The following NONO variants were observed in gnomAD, a reference collection of about 807,000 sequenced individuals.
NONO encodes non-POU domain-containing octamer-binding protein.
A neutral mutation model predicts 40.2 loss-of-function variants in NONO; 6 were observed. The ratio of observed to expected loss-of-function variants is 0.15; its 90% CI spans 0.08 to 0.29. The LOEUF (loss-of-function observed/expected upper bound fraction) is 0.29. Among genes scored for constraint, NONO ranks in the 10% least tolerant of loss-of-function variants. The probability of loss-of-function intolerance (pLI) is 1.00; values close to 1 mark genes in which losing one functional copy is unlikely to be tolerated. For synonymous variants in NONO, 89 were observed against 123.3 expected, an observed-to-expected ratio of 0.72 and a Z score of 1.85; for missense variants, 133 against 397.8, an observed-to-expected ratio of 0.33 and a Z score of 5.66.
At chrX:71,295,555 G>C (rs1602388494) in intron 5 of NONO, among the ~76,000 whole-genome samples, 1 of 110,875 alleles carries the variant, frequency 9.0e-6, no homozygotes, top group East Asian at 2.8e-4. Flanking sequence ...CACTTCAGGA[G>C]GCTGAGGCGG....
In NONO at chrX:71,297,364, GT is replaced by G. The variant is rs766336268; in HGVS notation, c.944-11del. The G allele has an allele frequency of 2.6e-5, 30 of 1,158,319 alleles. No homozygotes were observed. Among genetic ancestry groups the G allele is most frequent in the Non-Finnish European group, 3.5e-5 (30 of 864,211 alleles). ...AGACAATGAGGAATATTCTTAGTCT[GT>G]TGTTTTTTTAGATTTGATGAGGCGC... is the stretch of plus-strand genomic sequence containing the variant. On this transcript the variant is annotated splice_polypyrimidine_tract_variant and intron_variant, in intron 7 of 11. Transcript: ENST00000276079.
chrX:71,294,141 A>C, intron 4 of NONO, 86 bp from the exon 5 acceptor site: 1 of 933,716 alleles, frequency 1.1e-6, no homozygotes, highest in Non-Finnish European at 1.5e-6. Context: ...CCGGGGAGAT[A>C]TTGAACTATA....
At chrX:71,284,999 G>A (rs1421866001) in intron 2 of NONO, 1 of 112,406 alleles carries the variant, frequency 8.9e-6, no homozygotes, top group Non-Finnish European at 1.9e-5. Context: ...CAGTATTTAG[G>A]CGACAGTGAA....
chrX:71,292,308 CT>C (rs1189169590), intron 4 of NONO: 1 of 116,677 alleles, frequency 8.6e-6, no homozygotes, highest in Non-Finnish European at 1.7e-5. Flanking sequence ...AGTGATTCTC[CT>C]GCCTCAGCCT....
chrX:71,288,410 TTTC>T (rs1287927517), intron 2 of NONO, among the ~76,000 whole-genome samples: 3 of 111,495 alleles, frequency 2.7e-5, no homozygotes, highest in East Asian at 5.6e-4. Flanking sequence ...CTATTTATCT[TTTC>T]TTTTTTTTTT....
chrX:71,293,060 A>T (rs1262331075), intron 4 of NONO: 1 of 112,979 alleles, frequency 8.9e-6, no homozygotes, highest in Non-Finnish European at 1.9e-5. Context: ...TAGGGAAAGT[A>T]TATGAGAGGA....
Position 71,296,559 on chromosome X carries a change from T to C in NONO, c.651-6T>C, listed in dbSNP as rs1259093160. The stretch of plus-strand genomic sequence containing the variant: ...GATTAACACTGAACTTTGTTCTTTC[T>C]TCCAGATTTCCTCGTCCTGTGACTG... On this transcript the variant is annotated splice_region_variant and splice_polypyrimidine_tract_variant and intron_variant, in intron 5 of 11. Transcript: ENST00000276079. 3 of 1,179,947 alleles carry C rather than the reference T, an allele frequency of 2.5e-6. No homozygotes were observed. The African/African-American group carries it at 5.3e-5, about 21-fold the overall frequency.
At chrX:71,295,547 C>T (rs1331089685) in intron 5 of NONO, among the ~76,000 whole-genome samples, 2 of 110,224 alleles carry the variant, frequency 1.8e-5, no homozygotes, top group African/African-American at 3.3e-5. Context: ...AATACCAACA[C>T]TTCAGGAGGC....
At chrX:71,293,779 G>A (rs755041807) in intron 4 of NONO, among the ~76,000 whole-genome samples, 42 of 109,756 alleles carry the variant, frequency 3.8e-4, no homozygotes, top group Non-Finnish European at 2.3e-4. Flanking sequence ...CTACCAGTGC[G>A]TGCCACTGCG....
chrX:71,290,224 T>G (rs771554611), intron 2 of NONO, among the ~76,000 whole-genome samples: 33 of 110,798 alleles, frequency 3.0e-4, no homozygotes, highest in Non-Finnish European at 5.5e-4. Flanking sequence ...TTTTTGTATT[T>G]TTTTGGTAGA....
Position 71,294,166 on chromosome X carries a change from T to C in NONO, c.349-61T>C, listed in dbSNP as rs2031386289. 8.2e-6 allele frequency: 9 copies of C among 1,099,925 alleles called. No homozygotes were observed. The East Asian group carries it at 2.7e-4, about 33-fold the overall frequency. The allele number at this position is 1,099,925 out of a possible 1,213,427, so 90.6% of individuals were successfully genotyped here. A position where few individuals can be genotyped will look rare whatever the true frequency, so the allele number is the denominator to read the frequency against. ...ATTGAACTATACTGCTTTAGACTGT[T>C]GATGGCTGCTAAGGTGTTCTTTGTC... is the stretch of plus-strand genomic sequence containing the variant. On this transcript the variant is annotated intron_variant, in intron 4 of 11. Transcript: ENST00000276079.
At chrX:71,295,759 C>G (rs2031432341) in intron 5 of NONO, among the ~76,000 whole-genome samples, 1 of 111,739 alleles carries the variant, frequency 8.9e-6, no homozygotes, top group Admixed American at 9.5e-5. Context: ...CCACTGCACT[C>G]TAGCCTGGGC....
At chrX:71,287,373 G>A (rs1380268172) in intron 2 of NONO, among the ~76,000 whole-genome samples, 2 of 109,113 alleles carry the variant, frequency 1.8e-5, no homozygotes, top group African/African-American at 3.3e-5. Flanking sequence ...GAGCCACCAC[G>A]CCTGGCCTAT....
At chrX:71,298,977 A>G in intron 11 of NONO, among the ~76,000 whole-genome samples, 161 bp downstream of exon 11, 1 of 111,260 alleles carries the variant, frequency 9.0e-6, no homozygotes, top group Middle Eastern at 4.6e-3. Context: ...GCTAGAGTGC[A>G]ATGGCATGGT....
chrX:71,292,097 C>G (rs2031338669), intron 4 of NONO, 125 bp downstream of exon 4: 2 of 460,072 alleles, frequency 4.3e-6, no homozygotes, highest in Admixed American at 8.2e-5. Flanking sequence ...CTTGATGAAA[C>G]AGAACCACAA....
chrX:71,290,419 C>T (rs766029948), intron 2 of NONO, among the ~76,000 whole-genome samples: 6 of 111,235 alleles, frequency 5.4e-5, no homozygotes, highest in South Asian at 7.4e-4. Context: ...ACCTCCAGAA[C>T]GCAAGATTTT....
At chrX:71,292,017 A>C in intron 4 of NONO, 45 bp downstream of exon 4, 1 of 926,402 alleles carries the variant, frequency 1.1e-6, no homozygotes, top group East Asian at 3.3e-5. Context: ...AAAGGTGGGG[A>C]AGCTGGAGAA....
Position 71,291,983 on chromosome X carries a change from G to C in NONO, c.348+11G>C. On this transcript the variant is annotated intron_variant, in intron 4 of 11. Transcript: ENST00000276079. ...GGCTTTATCCGCTTGGTGAGCAACT[G>C]TTGGCTTTTGAGGCATGTGCTCTAA... The C allele has an allele frequency of 8.8e-7, 1 of 1,137,389 alleles. No homozygotes were observed. The highest frequency in any genetic ancestry group is 1.2e-6 in the Non-Finnish European group (1 of 855,237). The allele number at this position is 1,137,389 out of a possible 1,213,427, so 93.7% of individuals were successfully genotyped here.
intron 11 of NONO, among the ~76,000 whole-genome samples, chrX:71,299,534 C>T (rs921304438): frequency 8.9e-6 from 1 of 112,526 alleles, no homozygotes; most frequent in Non-Finnish European, 1.9e-5. Context: ...CTTCATGGCT[C>T]ATGCAATCCT....
Sources: gnomAD v4.1 joint callset for allele counts (sites outside exome capture counted in the v4.1 genomes callset) on GRCh38, gnomAD v4.1.1 for gene constraint, MANE v1.5 for transcripts, NCBI Gene and HGNC (gene_info 2026-07-23, HGNC 2026-07-21) for gene names.